USH2A: variants seen among roughly 807,000 people sequenced by gnomAD.
USH2A encodes the protein Usher syndrome 2A (autosomal recessive, mild).
Under a neutral mutation model 538.9 loss-of-function variants are expected in USH2A, and 443 were observed. The ratio of observed to expected loss-of-function variants is 0.82; its 90% CI spans 0.76 to 0.89. USH2A has a LOEUF of 0.89. USH2A is among the 40% of genes least tolerant of loss of function. USH2A has a pLI of 0.00. For missense variants in USH2A, 6,633 were observed against 6,324.8 expected, an observed-to-expected ratio of 1.05 and a Z score of -1.65; for synonymous variants, 2,413 against 2,273.5, an observed-to-expected ratio of 1.06 and a Z score of -1.75.
chr1:215,882,379 T>A (rs1664934301), intron 41 of USH2A, among the ~76,000 whole-genome samples: 1 of 152,196 alleles, frequency 6.6e-6, no homozygotes, highest in African/African-American at 2.4e-5. Flanking sequence ...TGGACTCCCC[T>A]GAAAAATTCA....
chr1:216,366,965 T>C (rs895315521), intron 3 of USH2A, among the ~76,000 whole-genome samples: 5 of 152,154 alleles, frequency 3.3e-5, no homozygotes, highest in African/African-American at 1.2e-4. Context: ...TGTAGCATTA[T>C]CTCATGTTTT....
intron 17 of USH2A, among the ~76,000 whole-genome samples, chr1:216,198,928 T>G (rs969611309): frequency 6.6e-6 from 1 of 152,198 alleles, no homozygotes; most frequent in Non-Finnish European, 1.5e-5. Flanking sequence ...TCACAATTTC[T>G]GTTAAGAATG....
intron 4 of USH2A, among the ~76,000 whole-genome samples, chr1:216,355,608 G>C (rs2038379281): frequency 1.3e-5 from 2 of 152,116 alleles, no homozygotes; most frequent in Admixed American, 6.6e-5. Context: ...GCAATGAAAA[G>C]GGAGGTTCTT....
rs1663778179 is a variant in USH2A at position 215,844,313 on chromosome 1, A to G, written c.9239T>C (p.Phe3080Ser). ...TCTAACCTGAATGTCATAGATAGTG[A>G]AGGGAGACAGGTCTCTCAGAATAAA... ...GSFILRDLSP[F>S]TIYDIQVEVC... is the part of the protein sequence containing the mutation. Residue 3080 changes from phenylalanine to serine, a missense_variant, in exon 46 of 72, where the codon TTC becomes TCC. Transcript: ENST00000307340. 1 of 1,613,592 alleles carries G rather than the reference A, an allele frequency of 6.2e-7. No homozygotes were observed. The highest frequency in any genetic ancestry group is 1.7e-5 in the Admixed American group (1 of 59,898).
intron 32 of USH2A, among the ~76,000 whole-genome samples, chr1:216,031,131 A>G (rs1320302480): frequency 6.6e-6 from 1 of 152,014 alleles, no homozygotes; most frequent in Non-Finnish European, 1.5e-5. Flanking sequence ...CATCCTCATA[A>G]TCTGAGAATT....
At chr1:216,117,999 T>C (rs1185292844) in intron 21 of USH2A, among the ~76,000 whole-genome samples, 1 of 152,044 alleles carries the variant, frequency 6.6e-6, no homozygotes, top group African/African-American at 2.4e-5. Context: ...AAGGGGAATT[T>C]GATGTTTGGC....
chr1:216,385,165 A>G (rs914107617), intron 3 of USH2A, among the ~76,000 whole-genome samples: 1 of 152,172 alleles, frequency 6.6e-6, no homozygotes. Context: ...ATCTCTTTCC[A>G]ATATGAGGTA....
chr1:216,184,920 T>C (rs1401079207), intron 20 of USH2A, among the ~76,000 whole-genome samples: 1 of 151,942 alleles, frequency 6.6e-6, no homozygotes, highest in East Asian at 1.9e-4. Flanking sequence ...ACTTCTAAGC[T>C]TGTAGTATGG....
At chr1:215,724,771 T>G (rs372227366) in intron 61 of USH2A, among the ~76,000 whole-genome samples, 2 of 109,864 alleles carry the variant, frequency 1.8e-5, no homozygotes, top group Non-Finnish European at 4.2e-5. Flanking sequence ...GGGCCAAGTC[T>G]CACAGTAGAC....
intron 48 of USH2A, among the ~76,000 whole-genome samples, chr1:215,815,085 G>A (rs1040993161): frequency 2.6e-5 from 4 of 151,840 alleles, no homozygotes; most frequent in African/African-American, 9.7e-5. Flanking sequence ...TAGGAAATGT[G>A]TATTAGTACC....
chr1:216,328,001 T>C (rs947277916), intron 4 of USH2A, among the ~76,000 whole-genome samples: 2 of 152,256 alleles, frequency 1.3e-5, no homozygotes, highest in Non-Finnish European at 2.9e-5. Flanking sequence ...CTAAATTTGA[T>C]TGTCATCTGC....
At chr1:216,087,295 T>C (rs573320535) in intron 23 of USH2A, among the ~76,000 whole-genome samples, 47 of 152,222 alleles carry the variant, frequency 3.1e-4, no homozygotes, top group African/African-American at 1.1e-3. Flanking sequence ...TTCAATACCA[T>C]CCTTTGCTGG....
At chr1:216,292,569 A>G (rs1329288419) in intron 9 of USH2A, among the ~76,000 whole-genome samples, 199 bp from the exon 10 acceptor site, 1 of 152,190 alleles carries the variant, frequency 6.6e-6, no homozygotes, top group East Asian at 1.9e-4. Flanking sequence ...AAAAGTGACC[A>G]TGCAAACTTG....
Position 216,143,680 on chromosome 1 carries a change from C to T in USH2A, c.4627+31572G>A, listed in dbSNP as rs558500063. ...ACATAGCATAGCTCTTCATTTAACA[C>T]GAAAGTTTCTGGAAACTACCAGAAA... On this transcript the variant is annotated intron_variant, in intron 21 of 71. Transcript: ENST00000307340. Among the ~76,000 whole-genome samples, 43 of 152,144 alleles carry T rather than the reference C, an allele frequency of 2.8e-4. No homozygotes were observed. In the South Asian group the frequency reaches 7.3e-3, roughly 26 times the overall value.
intron 37 of USH2A, among the ~76,000 whole-genome samples, chr1:215,956,369 G>A (rs1667069720): frequency 6.6e-6 from 1 of 152,140 alleles, no homozygotes; most frequent in African/African-American, 2.4e-5. Context: ...AAAATGGTGT[G>A]AGTATTTTTA....
At chr1:216,226,313 A>C (rs2035559951) in intron 14 of USH2A, among the ~76,000 whole-genome samples, 1 of 152,236 alleles carries the variant, frequency 6.6e-6, no homozygotes, top group South Asian at 2.1e-4. Flanking sequence ...TGCAAAATAC[A>C]AATTCAATTC....
At chr1:216,168,845 A>T (rs2034221038) in intron 21 of USH2A, among the ~76,000 whole-genome samples, 1 of 152,002 alleles carries the variant, frequency 6.6e-6, no homozygotes, top group South Asian at 2.1e-4. Flanking sequence ...GAACTGACTC[A>T]CCACAAGAGG....
chr1:216,165,084 T>C (rs1225189440), intron 21 of USH2A, among the ~76,000 whole-genome samples: 1 of 152,142 alleles, frequency 6.6e-6, no homozygotes, highest in Non-Finnish European at 1.5e-5. Context: ...AATACCTCCA[T>C]TGTCCTTGAA....
At chr1:215,861,113 T>C (rs1664301146) in intron 44 of USH2A, among the ~76,000 whole-genome samples, 1 of 152,180 alleles carries the variant, frequency 6.6e-6, no homozygotes, top group African/African-American at 2.4e-5. Flanking sequence ...CCTCCTTAGT[T>C]TTCCGAGCAG....
Sources: gnomAD v4.1 joint callset for allele counts (sites outside exome capture counted in the v4.1 genomes callset) on GRCh38, gnomAD v4.1.1 for gene constraint, MANE v1.5 for transcripts, NCBI Gene and HGNC (gene_info 2026-07-23, HGNC 2026-07-21) for gene names.